Variants in FGF9 observed in about 807,000 individuals in gnomAD.
The protein encoded by FGF9 is fibroblast growth factor 9 (glia-activating factor).
Under a neutral mutation model 19.9 loss-of-function variants are expected in FGF9, and 3 were observed. The observed-to-expected ratio is 0.15, with a 90% confidence interval of 0.07 to 0.39. FGF9 has a LOEUF of 0.39. Ranked by LOEUF, FGF9 falls within the 10% of genes least tolerant of loss-of-function variation. FGF9 has a pLI of 1.00. For synonymous variants in FGF9, 107 were observed against 106.9 expected (o/e 1.00, Z -0.01); for missense variants, 175 against 256.8 (o/e 0.68, Z 2.18).
chr13:21,684,290 TTC>T (rs1247336212), intron 2 of FGF9, among the ~76,000 whole-genome samples: 1 of 152,238 alleles, frequency 6.6e-6, no homozygotes, highest in African/African-American at 2.4e-5. Flanking sequence ...TCAATTGTAT[TTC>T]TCTGTTCCCT....
intron 2 of FGF9, among the ~76,000 whole-genome samples, chr13:21,690,820 T>A (rs1565951883): frequency 6.6e-6 from 1 of 152,226 alleles, no homozygotes; most frequent in Non-Finnish European, 1.5e-5. Context: ...TTTGTGCTTT[T>A]TATTGGTGAT....
At chr13:21,696,939 A>G (rs1349024817) in intron 2 of FGF9, among the ~76,000 whole-genome samples, 5 of 152,206 alleles carry the variant, frequency 3.3e-5, no homozygotes, top group Non-Finnish European at 4.4e-5. Flanking sequence ...ATAACTTTTC[A>G]TGATAATTTT....
At position 21,688,451 on chromosome 13, in the gene FGF9, T is replaced by C. The variant is rs577119735; in HGVS notation, c.381+7306T>C. On this transcript the variant is annotated intron_variant, in intron 2 of 2. Transcript: ENST00000382353. ...GAATTGAATAATAATTCTTAGACGA[T>C]ATGGAGGGCAGCTTCTGCTGTATGA... is the stretch of plus-strand genomic sequence containing the variant. Among the ~76,000 whole-genome samples the C allele has an allele frequency of 1.7e-4, 26 of 152,334 alleles. 1 individual carries two copies. Among genetic ancestry groups the C allele is most frequent in the African/African-American group, 6.3e-4 (26 of 41,578 alleles).
At chr13:21,693,152 T>C (rs2138143750) in intron 2 of FGF9, among the ~76,000 whole-genome samples, 1 of 152,334 alleles carries the variant, frequency 6.6e-6, no homozygotes, top group East Asian at 1.9e-4. Context: ...CACCTTATCC[T>C]TGAGAGAATT....
At position 21,672,297 on chromosome 13, in the gene FGF9, C is replaced by G; in HGVS notation, c.277+108C>G. 1 of 1,196,830 alleles carries G rather than the reference C, an allele frequency of 8.4e-7. No homozygotes were observed. The highest frequency in any genetic ancestry group is 1.2e-6 in the Non-Finnish European group (1 of 809,450). The allele number at this position is 1,196,830 out of a possible 1,614,324, so 74.1% of individuals were successfully genotyped here. On this transcript the variant is annotated intron_variant, in intron 1 of 2. Coordinates refer to ENST00000382353, the MANE Select transcript of FGF9 (RefSeq NM_002010.3). The surrounding 1 kb of genome is among the most constrained non-coding windows in gnomAD (Gnocchi z 4.2). ...GACGTGGGAAGGGTTCTCCCCTCCT[C>G]CCCTCTTTCTCTGTATCTCTGTCTC...
Position 21,701,871 on chromosome 13 carries a change from G to C in FGF9, c.*436G>C, listed in dbSNP as rs1872556017. 1 of 181,944 alleles carries C rather than the reference G, an allele frequency of 5.5e-6. No individual in the cohort carries two copies. The highest frequency in any genetic ancestry group is 1.2e-5 in the Non-Finnish European group (1 of 85,566). The allele number at this position is 181,944 out of a possible 1,614,324, so 11.3% of individuals were successfully genotyped here. ...TATATCAGCACAGCTGCCATACTTC[G>C]ACTTATCAGGATTCTGGCTGGTGGC... On this transcript the variant is annotated 3_prime_UTR_variant, in exon 3 of 3. Coordinates refer to ENST00000382353, the MANE Select transcript of FGF9 (RefSeq NM_002010.3).
In FGF9 at chr13:21,701,310, A is replaced by G. The variant is rs1304374985; in HGVS notation, c.502A>G (p.Lys168Glu). ...TGRRYYVALN[K>E]DGTPREGTRT... ...AAGGCGATACTATGTTGCATTAAAT[A>G]AAGATGGGACCCCGAGAGAAGGGAC... is the stretch of plus-strand genomic sequence containing the variant. The change falls in exon 3 of 3, where the codon AAA (lysine) becomes GAA (glutamate). Residue 168 changes from lysine (K) to glutamate (E), a missense_variant. By Grantham distance (56) the Lys-to-Glu change is moderately conservative. This residue lies in a region of FGF9 where 101 missense variants were observed against 160.7 expected (regional missense o/e 0.63). Coordinates refer to ENST00000382353, the MANE Select transcript of FGF9 (RefSeq NM_002010.3). 6.2e-7 allele frequency: 1 copy of G among 1,614,094 alleles called. No homozygotes were observed. The highest frequency in any genetic ancestry group is 8.5e-7 in the Non-Finnish European group (1 of 1,180,040).
chr13:21,679,566 T>A (rs989493051), intron 1 of FGF9, among the ~76,000 whole-genome samples: 1 of 152,056 alleles, frequency 6.6e-6, no homozygotes, highest in African/African-American at 2.4e-5. Flanking sequence ...ATATTTGATA[T>A]GCATTAATGT....
intron 2 of FGF9, among the ~76,000 whole-genome samples, chr13:21,682,015 T>C (rs1872053489): frequency 7.2e-6 from 1 of 139,708 alleles, no homozygotes; most frequent in Admixed American, 7.0e-5. Context: ...CTTTTCTTTC[T>C]TTTTTTTTTT....
chr13:21,693,726 C>A (rs1009209017), intron 2 of FGF9, among the ~76,000 whole-genome samples: 7 of 152,140 alleles, frequency 4.6e-5, no homozygotes, highest in Non-Finnish European at 1.0e-4. Context: ...AAGGAAGTAG[C>A]GATGCCTTCG....
intron 2 of FGF9, among the ~76,000 whole-genome samples, chr13:21,683,278 G>C (rs1872084826): frequency 1.3e-5 from 2 of 152,178 alleles, no homozygotes; most frequent in Admixed American, 6.5e-5. Context: ...TGATTTAAAT[G>C]GTTTCTTACT....
At chr13:21,682,293 T>C (rs1872060075) in intron 2 of FGF9, among the ~76,000 whole-genome samples, 1 of 152,136 alleles carries the variant, frequency 6.6e-6, no homozygotes, top group Admixed American at 6.6e-5. Context: ...ATCGTTGCAA[T>C]TACTGGTGGT....
At chr13:21,680,200 A>C (rs1376161545) in intron 1 of FGF9, among the ~76,000 whole-genome samples, 1 of 152,236 alleles carries the variant, frequency 6.6e-6, no homozygotes, top group Non-Finnish European at 1.5e-5. Flanking sequence ...AATCAAGAGC[A>C]GTATTTATCT....
In FGF9 at chr13:21,672,066, A is replaced by C. The variant is rs755561237; in HGVS notation, c.154A>C (p.Thr52Pro). 1.9e-6 allele frequency: 3 copies of C among 1,614,214 alleles called. No homozygotes were observed. The highest frequency in any genetic ancestry group is 2.5e-6 in the Non-Finnish European group (3 of 1,180,030). ...AGGLPRGPAV[T>P]DLDHLKGILR... The stretch of plus-strand genomic sequence containing the variant: ...GGGGCTCCCCAGGGGACCCGCAGTC[A>C]CGGACTTGGATCATTTAAAGGGGAT... The change falls in exon 1 of 3, where the codon ACG becomes CCG. Residue 52 changes from threonine to proline, a missense_variant. Thr to Pro is a conservative substitution (Grantham distance 38). Coordinates refer to ENST00000382353, the MANE Select transcript of FGF9 (RefSeq NM_002010.3). The surrounding 1 kb of genome is among the most constrained non-coding windows in gnomAD (Gnocchi z 4.2).
chr13:21,699,915 GAA>G, intron 2 of FGF9, among the ~76,000 whole-genome samples: 1 of 152,156 alleles, frequency 6.6e-6, no homozygotes, highest in Non-Finnish European at 1.5e-5. Context: ...TGAACAGTGA[GAA>G]GAGCAAAAAG....
chr13:21,682,694 GTT>G (rs35215268), intron 2 of FGF9, among the ~76,000 whole-genome samples: 14 of 123,906 alleles, frequency 1.1e-4, no homozygotes, highest in East Asian at 2.4e-4. Flanking sequence ...CACAACTTCA[GTT>G]TTTTTTTTTT....
intron 1 of FGF9, among the ~76,000 whole-genome samples, chr13:21,679,767 T>C (rs1871996994): frequency 7.4e-6 from 1 of 134,534 alleles, no homozygotes; most frequent in East Asian, 2.1e-4. Flanking sequence ...TGAAACCCCG[T>C]CTCTACTAAA....
At chr13:21,688,348 G>A (rs1872207764) in intron 2 of FGF9, among the ~76,000 whole-genome samples, 3 of 152,184 alleles carry the variant, frequency 2.0e-5, no homozygotes, top group Admixed American at 2.0e-4. Flanking sequence ...CCTGGAGATG[G>A]GTGGTTTTCA....
intron 2 of FGF9, among the ~76,000 whole-genome samples, chr13:21,682,838 A>T (rs566319060): frequency 2.0e-5 from 3 of 152,138 alleles, no homozygotes; most frequent in Non-Finnish European, 4.4e-5. Context: ...AGTGGCCTCC[A>T]AATTTTTTGA....
Sources: gnomAD v4.1 joint callset for allele counts (sites outside exome capture counted in the v4.1 genomes callset) on GRCh38, gnomAD v4.1.1 for gene constraint, gnomAD v4.1.1 regional missense constraint, Gnocchi (gnomAD v3.1) non-coding constraint, MANE v1.5 for transcripts, NCBI Gene and HGNC (gene_info 2026-07-23, HGNC 2026-07-21) for gene names.